PLGRKT: variants seen among roughly 807,000 people sequenced by gnomAD.
PLGRKT encodes the protein plasminogen receptor (KT).
PLGRKT carries 22 observed loss-of-function variants against 18.5 expected under a neutral mutation model. That is an observed-to-expected ratio of 1.19 (90% confidence interval 0.85 to 1.70). The LOEUF (loss-of-function observed/expected upper bound fraction) is 1.70. Among genes scored for constraint, PLGRKT ranks in the 40% most tolerant of loss-of-function variants. The pLI, the probability that PLGRKT is intolerant of heterozygous loss-of-function variation, is 0.00. For synonymous variants in PLGRKT, 72 were observed against 52.8 expected (o/e 1.36, Z -1.58); for missense variants, 235 against 174.4 (o/e 1.35, Z -1.96).
chr9:5,380,924 G>A (rs1055085050), intron 3 of PLGRKT, among the ~76,000 whole-genome samples: 4 of 152,130 alleles, frequency 2.6e-5, no homozygotes, highest in African/African-American at 9.7e-5. Context: ...TTCCCCCCAT[G>A]CTGTTCTCAT....
chr9:5,382,568 C>T (rs895577564), intron 3 of PLGRKT, among the ~76,000 whole-genome samples: 4 of 152,108 alleles, frequency 2.6e-5, no homozygotes, highest in African/African-American at 4.8e-5. Context: ...AGGAAAGAGT[C>T]GACTGAGGTA....
chr9:5,399,623 T>C (rs1818117789), intron 3 of PLGRKT, among the ~76,000 whole-genome samples: 1 of 151,922 alleles, frequency 6.6e-6, no homozygotes. Flanking sequence ...AAAATTTCCC[T>C]TACTTGTAAG....
chr9:5,433,729 G>A (rs1480585562), intron 2 of PLGRKT, among the ~76,000 whole-genome samples: 16 of 129,210 alleles, frequency 1.2e-4, no homozygotes, highest in East Asian at 4.9e-4. Context: ...AGCACCCATC[G>A]TCTGGGATGT....
In PLGRKT at chr9:5,358,287, G is replaced by C; in HGVS notation, c.396C>G (p.Ser132Arg). The change falls in exon 6 of 6, where the codon AGC becomes AGG. Residue 132 changes from serine to arginine, a missense_variant. Physicochemically the swap from Ser to Arg is moderately radical, Grantham distance 110 (BLOSUM62 -1). Coordinates refer to ENST00000223864, the MANE Select transcript of PLGRKT (RefSeq NM_018465.4). ...QLPRGMITFE[S>R]IEKARKEQSR... Reference sequence around the variant, plus strand: ...TCTGTTCCTTTCTGGCTTTTTCAATGCTTTCAAAAGTGATCATTCCTCTTG... The same window carrying C: ...TCTGTTCCTTTCTGGCTTTTTCAATCCTTTCAAAAGTGATCATTCCTCTTG... 6.2e-7 allele frequency: 1 copy of C among 1,607,716 alleles called. No homozygotes were observed. The highest frequency in any genetic ancestry group is 8.5e-7 in the Non-Finnish European group (1 of 1,174,434).
At chr9:5,413,524 A>G (rs1293637230) in intron 3 of PLGRKT, among the ~76,000 whole-genome samples, 1 of 152,218 alleles carries the variant, frequency 6.6e-6, no homozygotes, top group African/African-American at 2.4e-5. Context: ...TCAGAATTAG[A>G]GAGAAATGAA....
At chr9:5,388,543 C>T (rs2131105766) in intron 3 of PLGRKT, among the ~76,000 whole-genome samples, 2 of 152,076 alleles carry the variant, frequency 1.3e-5, no homozygotes, top group South Asian at 4.1e-4. Context: ...AACTGGCCTA[C>T]TCTTTCACTC....
intron 3 of PLGRKT, among the ~76,000 whole-genome samples, chr9:5,410,750 T>G (rs1818347242): frequency 6.6e-6 from 1 of 152,202 alleles, no homozygotes; most frequent in South Asian, 2.1e-4. Context: ...AACGTTTCAC[T>G]TCTAGTACAG....
chr9:5,384,503 C>T (rs1319857925), intron 3 of PLGRKT, among the ~76,000 whole-genome samples: 4 of 152,100 alleles, frequency 2.6e-5, no homozygotes, highest in Non-Finnish European at 5.9e-5. Flanking sequence ...TATACTTTGA[C>T]TGTGACTGTG....
chr9:5,360,573 T>C (rs1389969199), intron 5 of PLGRKT, among the ~76,000 whole-genome samples: 1 of 152,138 alleles, frequency 6.6e-6, no homozygotes, highest in African/African-American at 2.4e-5. Flanking sequence ...AGATTTCCAT[T>C]GTGTAAATAT....
At chr9:5,377,085 G>A (rs1033121483) in intron 3 of PLGRKT, among the ~76,000 whole-genome samples, 3 of 152,054 alleles carry the variant, frequency 2.0e-5, no homozygotes, top group Non-Finnish European at 2.9e-5. Flanking sequence ...CCAATTGCAG[G>A]GCAGTGGATA....
chr9:5,392,399 T>A (rs1260788760), intron 3 of PLGRKT: 1 of 152,022 alleles, frequency 6.6e-6, no homozygotes, highest in African/African-American at 2.4e-5. Flanking sequence ...CTACTAACAC[T>A]TCCTATTCAC....
chr9:5,382,497 A>G (rs1427344936), intron 3 of PLGRKT, among the ~76,000 whole-genome samples: 1 of 152,250 alleles, frequency 6.6e-6, no homozygotes, highest in East Asian at 1.9e-4. Context: ...CCTGGAAAGA[A>G]GAATGAGCAT....
At chr9:5,424,695 C>CATATATATATAT (rs1563790089) in intron 3 of PLGRKT, among the ~76,000 whole-genome samples, 1 of 116,726 alleles carries the variant, frequency 8.6e-6, no homozygotes, top group African/African-American at 4.4e-5. Context: ...TATATATACA[C>CATATATATATAT]ACAGGGGGGG....
chr9:5,395,888 G>GTTTTTTTTTT (rs201547310), intron 3 of PLGRKT, among the ~76,000 whole-genome samples: 1 of 129,780 alleles, frequency 7.7e-6, no homozygotes, highest in Non-Finnish European at 1.6e-5. Context: ...TAACCTAACA[G>GTTTTTTTTTT]TTTTTTTTTT....
intron 3 of PLGRKT, among the ~76,000 whole-genome samples, chr9:5,377,975 TTTGTTCTCTGGCAA>T (rs1299379656): frequency 6.6e-6 from 1 of 152,148 alleles, no homozygotes; most frequent in Non-Finnish European, 1.5e-5. Flanking sequence ...AGAGTAAACC[TTTGTTCTCTGGCAA>T]TTGTGGGGTT....
At chr9:5,424,525 ATAT>A (rs1198977651) in intron 3 of PLGRKT, among the ~76,000 whole-genome samples, 13 of 123,776 alleles carry the variant, frequency 1.1e-4, no homozygotes, top group East Asian at 4.1e-4. Flanking sequence ...ATATAAATAT[ATAT>A]TATTAACATA....
rs1817611017 is a variant in PLGRKT at position 5,375,510 on chromosome 9, AC to A, written c.82-13623del. ...AAATGTACCAAATGAAATAATAAATACATGTAAAATTTTGAAACTGCTTGTA... is the reference window on the plus strand; with the variant it reads ...AAATGTACCAAATGAAATAATAAATAATGTAAAATTTTGAAACTGCTTGTA... On this transcript the variant is annotated intron_variant, in intron 3 of 5. Transcript: ENST00000223864. Among the ~76,000 whole-genome samples the A allele has an allele frequency of 1.3e-5, 2 of 152,200 alleles. 1 individual carries two copies. Among genetic ancestry groups the A allele is most frequent in the South Asian group, 4.1e-4 (2 of 4,832 alleles).
At chr9:5,358,416 A>G (rs781656756) in intron 5 of PLGRKT, 56 bp from the exon 6 acceptor site, 10 of 1,544,154 alleles carry the variant, frequency 6.5e-6, no homozygotes, top group Non-Finnish European at 8.9e-6. Flanking sequence ...GCAATTTGTG[A>G]CAAAGCCTGA....
chr9:5,430,076 G>A lies in PLGRKT; in HGVS notation c.81+1821C>T, dbSNP rs185825379. Among the ~76,000 whole-genome samples the A allele has an allele frequency of 1.8e-3, 279 of 152,282 alleles. 1 individual carries two copies. The highest frequency in any genetic ancestry group is 6.3e-3 in the African/African-American group (263 of 41,554). On this transcript the variant is annotated intron_variant, in intron 3 of 5. Transcript: ENST00000223864. ...TGAGTGCATAGCACTCATTTCGCCCGTGCCCATCTTTGTCACCTCGGTGAG... is the reference window on the plus strand; with the variant it reads ...TGAGTGCATAGCACTCATTTCGCCCATGCCCATCTTTGTCACCTCGGTGAG...
Sources: gnomAD v4.1 joint callset for allele counts (sites outside exome capture counted in the v4.1 genomes callset) on GRCh38, gnomAD v4.1.1 for gene constraint, MANE v1.5 for transcripts, NCBI Gene and HGNC (gene_info 2026-07-23, HGNC 2026-07-21) for gene names.